Variants in ATP8A2 observed in about 807,000 individuals in gnomAD.
ATP8A2 encodes ATPase phospholipid transporting 8A2.
A neutral mutation model predicts 165.6 loss-of-function variants in ATP8A2; 100 were observed. The ratio of observed to expected loss-of-function variants is 0.60; its 90% CI spans 0.51 to 0.71. The LOEUF is 0.71. ATP8A2 is among the 30% of genes least tolerant of loss of function. ATP8A2 has a pLI of 0.00. For missense variants in ATP8A2, 1,227 were observed against 1,479.5 expected (o/e 0.83, Z 2.80); for synonymous variants, 543 against 548.8 (o/e 0.99, Z 0.15).
intron 24 of ATP8A2, among the ~76,000 whole-genome samples, chr13:25,593,372 G>A (rs867198291): frequency 3.3e-5 from 5 of 152,076 alleles, no homozygotes; most frequent in African/African-American, 7.2e-5. Context: ...GGCCAGGTTC[G>A]GACTCCAAAT....
chr13:25,652,962 A>G (rs1049838866), intron 24 of ATP8A2, among the ~76,000 whole-genome samples: 6 of 152,176 alleles, frequency 3.9e-5, no homozygotes, highest in African/African-American at 1.4e-4. Flanking sequence ...GTTCCTTCAG[A>G]CTTTTCACTA....
intron 35 of ATP8A2, among the ~76,000 whole-genome samples, chr13:25,991,052 C>T (rs1213950380): frequency 6.6e-6 from 1 of 152,126 alleles, no homozygotes; most frequent in Non-Finnish European, 1.5e-5. Flanking sequence ...TTTGCCTGCT[C>T]AGCTAATGAG....
intron 4 of ATP8A2, among the ~76,000 whole-genome samples, chr13:25,531,488 G>T (rs1249602642): frequency 1.4e-5 from 2 of 146,828 alleles, no homozygotes; most frequent in African/African-American, 5.0e-5. Context: ...ATGTTTGCAT[G>T]TGCTGTCTCT....
Position 25,743,591 on chromosome 13 carries a change from C to T in ATP8A2, c.2385-25455C>T, listed in dbSNP as rs114957248. Among the ~76,000 whole-genome samples, 309 of 152,242 alleles carry T rather than the reference C, an allele frequency of 2.0e-3. 2 individuals carry two copies. Among genetic ancestry groups the T allele is most frequent in the African/African-American group, 7.1e-3 (294 of 41,540 alleles). On this transcript the variant is annotated intron_variant, in intron 25 of 36. Transcript: ENST00000381655. ...GCTGCACTTCTGCATGTGGATTTGC[C>T]GGCCACATGTTTCATTTGTAATGGT...
intron 25 of ATP8A2, among the ~76,000 whole-genome samples, chr13:25,718,900 A>G (rs2043312000): frequency 6.6e-6 from 1 of 152,210 alleles, no homozygotes; most frequent in African/African-American, 2.4e-5. Context: ...TTGGTACAAA[A>G]ATGGCAGGAG....
At chr13:25,847,731 GC>G (rs1951900601) in intron 30 of ATP8A2, among the ~76,000 whole-genome samples, 1 of 152,138 alleles carries the variant, frequency 6.6e-6, no homozygotes, top group African/African-American at 2.4e-5. Flanking sequence ...TATTCCTGAT[GC>G]ACTGGCATTA....
At chr13:25,841,237 G>A (rs917360792) in intron 30 of ATP8A2, among the ~76,000 whole-genome samples, 3 of 152,190 alleles carry the variant, frequency 2.0e-5, no homozygotes, top group African/African-American at 7.2e-5. Flanking sequence ...CCCAGCAGTT[G>A]CTAACTTACC....
intron 33 of ATP8A2, among the ~76,000 whole-genome samples, chr13:25,900,980 G>A (rs1012826991): frequency 5.3e-5 from 8 of 152,214 alleles, no homozygotes; most frequent in Non-Finnish European, 1.2e-4. Flanking sequence ...AAAAGCCCAT[G>A]CGTTGTCTAA....
At chr13:25,599,723 A>G (rs1189312811) in intron 24 of ATP8A2, among the ~76,000 whole-genome samples, 1 of 152,064 alleles carries the variant, frequency 6.6e-6, no homozygotes, top group African/African-American at 2.4e-5. Flanking sequence ...CATCTGTTTC[A>G]CCTCTGGGTT....
In ATP8A2 at chr13:26,013,224, G is replaced by A. The variant is rs149923024; in HGVS notation, c.3469+602G>A. On this transcript the variant is annotated intron_variant, in intron 36 of 36. Transcript: ENST00000381655. ...AGGCAGATCCAGGCCACCTTCCCCA[G>A]GGCCAAGGCCAACCCAGCCCTGCCT... Among the ~76,000 whole-genome samples, 23 of 152,194 alleles carry A rather than the reference G, an allele frequency of 1.5e-4. No homozygotes were observed. In the East Asian group the frequency reaches 4.5e-3, roughly 30 times the overall value.
chr13:25,703,881 T>C (rs1228013430), intron 25 of ATP8A2, among the ~76,000 whole-genome samples: 1 of 152,140 alleles, frequency 6.6e-6, no homozygotes, highest in African/African-American at 2.4e-5. Context: ...TTGTACAACA[T>C]TGTGACCATA....
At chr13:25,884,795 C>T (rs760350500) in intron 33 of ATP8A2, among the ~76,000 whole-genome samples, 2 of 152,194 alleles carry the variant, frequency 1.3e-5, no homozygotes, top group Non-Finnish European at 2.9e-5. Context: ...ATTGCCCCTG[C>T]GGCTTCTCCT....
At chr13:25,681,896 A>T (rs1340959657) in intron 24 of ATP8A2, among the ~76,000 whole-genome samples, 1 of 150,468 alleles carries the variant, frequency 6.6e-6, no homozygotes, top group Non-Finnish European at 1.5e-5. Context: ...AAGACTTGGG[A>T]CTGACTGCCT....
At chr13:26,016,323 A>T (rs893318031) in intron 36 of ATP8A2, among the ~76,000 whole-genome samples, 1 of 152,206 alleles carries the variant, frequency 6.6e-6, no homozygotes, top group African/African-American at 2.4e-5. Flanking sequence ...GGTTTACAAC[A>T]GGAGGGGCAA....
intron 24 of ATP8A2, among the ~76,000 whole-genome samples, chr13:25,679,973 G>A (rs1414734065): frequency 6.6e-6 from 1 of 152,172 alleles, no homozygotes; most frequent in Non-Finnish European, 1.5e-5. Context: ...AGTCTAGAGT[G>A]ATTCACAGTA....
rs540608716 is a variant in ATP8A2, at chr13:25,731,052, C to T, written c.2384+31707C>T. On this transcript the variant is annotated intron_variant, in intron 25 of 36. Transcript: ENST00000381655. ...TCCTCCCACTACACTCCAGCCAGGT[C>T]GCAAAAAAGAAGGAGAGGGGAGGAA... 1.1e-4 allele frequency among the ~76,000 whole-genome samples: 16 copies of T among 139,700 alleles called. No individual in the cohort carries two copies. The South Asian group carries it at 1.3e-3, about 12-fold the overall frequency. 91.6% of individuals were successfully genotyped at this position (139,700 alleles called of 152,430 possible).
At position 25,774,831 on chromosome 13, in the gene ATP8A2, G is replaced by C. The variant is rs769728096; in HGVS notation, c.2569-18G>C. ...TCAATGATGGGCTCTTCTGAGCTTT[G>C]TAATTTTCCTTTTTCAGTTTTCCTA... On this transcript the variant is annotated intron_variant, in intron 26 of 36. Transcript: ENST00000381655. The C allele has an allele frequency of 1.4e-6, 2 of 1,477,626 alleles. No individual in the cohort carries two copies. The highest frequency in any genetic ancestry group is 2.3e-5 in the South Asian group (2 of 87,834). 91.5% of individuals were successfully genotyped at this position (1,477,626 alleles called of 1,614,324 possible). A position where few individuals can be genotyped will look rare whatever the true frequency, so the allele number is the denominator to read the frequency against.
Position 25,752,925 on chromosome 13 carries a change from G to A in ATP8A2, c.2385-16121G>A, listed in dbSNP as rs76405664. Among the ~76,000 whole-genome samples, 234 of 152,206 alleles carry A rather than the reference G, an allele frequency of 1.5e-3. 1 individual carries two copies. The highest frequency in any genetic ancestry group is 4.7e-3 in the African/African-American group (194 of 41,524). ...TTCCCTTTCCTTGCCACCCTCTAGC[G>A]TGTCTTTGAGCTATGTGTGATAGCA... On this transcript the variant is annotated intron_variant, in intron 25 of 36. Coordinates refer to ENST00000381655, the MANE Select transcript of ATP8A2 (RefSeq NM_016529.6).
In ATP8A2 at chr13:25,933,471, C is replaced by CT. The variant is rs954114884; in HGVS notation, c.3184-28096dup. Among the ~76,000 whole-genome samples the CT allele has an allele frequency of 4.6e-5, 7 of 152,060 alleles. No homozygotes were observed. In the East Asian group the frequency reaches 5.8e-4, roughly 13 times the overall value. On this transcript the variant is annotated intron_variant, in intron 33 of 36. Transcript: ENST00000381655. The stretch of plus-strand genomic sequence containing the variant: ...AGGGTTTCCTCTGTTAATTCAGTTT[C>CT]TTTTTTTTCTTTTTAAATTCATGTT...
Sources: gnomAD v4.1 joint callset for allele counts (sites outside exome capture counted in the v4.1 genomes callset) on GRCh38, gnomAD v4.1.1 for gene constraint, MANE v1.5 for transcripts, NCBI Gene and HGNC (gene_info 2026-07-23, HGNC 2026-07-21) for gene names.